Variants in C9orf43 observed in about 807,000 individuals in gnomAD.
The protein encoded by C9orf43 is uncharacterized protein C9orf43.
C9orf43 carries 45 observed loss-of-function variants against 59.1 expected under a neutral mutation model. That is an observed-to-expected ratio of 0.76 (90% CI 0.60 to 0.98). C9orf43 has a LOEUF of 0.98. Ranked by LOEUF, C9orf43 falls within the 50% of genes least tolerant of loss-of-function variation. The probability of loss-of-function intolerance (pLI) is 0.00; values close to 1 mark genes in which losing one functional copy is unlikely to be tolerated. For synonymous variants in C9orf43, 203 were observed against 196.8 expected (o/e 1.03, Z -0.26); for missense variants, 533 against 554.9 (o/e 0.96, Z 0.40).
intron 3 of C9orf43, among the ~76,000 whole-genome samples, chr9:113,415,728 T>C (rs533435573): frequency 1.3e-5 from 2 of 152,340 alleles, no homozygotes; most frequent in South Asian, 4.1e-4. Flanking sequence ...GAGTGCTTGC[T>C]GGTACATGAA....
intron 1 of C9orf43, chr9:113,411,203 AAAAC>A (rs1241608378): frequency 2.7e-5 from 18 of 666,922 alleles, no homozygotes; most frequent in African/African-American, 3.9e-5. Context: ...TTCGCTTTCA[AAAAC>A]AAACCGTGTT....
chr9:113,415,228 C>T (rs926630490), intron 3 of C9orf43, among the ~76,000 whole-genome samples: 2 of 151,928 alleles, frequency 1.3e-5, no homozygotes, highest in Non-Finnish European at 2.9e-5. Flanking sequence ...ACTGCAACCT[C>T]CACCTCCTGG....
At chr9:113,414,267 T>C (rs1398752999) in intron 3 of C9orf43, among the ~76,000 whole-genome samples, 1 of 151,974 alleles carries the variant, frequency 6.6e-6, no homozygotes. Flanking sequence ...ATACCCTGTG[T>C]CCTTTTTATT....
At position 113,424,213 on chromosome 9, in the gene C9orf43, T is replaced by C. The variant is rs551801116; in HGVS notation, c.704T>C (p.Ile235Thr). The C allele has an allele frequency of 6.2e-7, 1 of 1,613,896 alleles. No individual in the cohort carries two copies. Among genetic ancestry groups the C allele is most frequent in the South Asian group, 1.1e-5 (1 of 91,056 alleles). The change falls in exon 8 of 14, where the codon ATA becomes ACA. Residue 235 changes from isoleucine to threonine, a missense_variant. Transcript: ENST00000374165. The stretch of plus-strand genomic sequence containing the variant: ...ACCATGCTCTGTCCAGAGATGAAGA[T>C]AAAATTGGCCATGATGAAAAAGAAT... Reference protein sequence around the residue: ...KQTMLCPEMKIKLAMMKKNLP... With the variant: ...KQTMLCPEMKTKLAMMKKNLP...
Position 113,421,213 on chromosome 9 carries a change from A to G in C9orf43, c.446+10A>G, listed in dbSNP as rs373942958. On this transcript the variant is annotated intron_variant, in intron 5 of 13. Transcript: ENST00000374165. The stretch of plus-strand genomic sequence containing the variant: ...CAGAGATACATGTGAGGTGAGTATC[A>G]TATCTGGAACTCAGAGGACTTTGAC... 13 of 1,581,896 alleles carry G rather than the reference A, an allele frequency of 8.2e-6. No individual in the cohort carries two copies. The highest frequency in any genetic ancestry group is 1.7e-4 in the Middle Eastern group (1 of 6,018).
At chr9:113,427,150 A>G (rs1287965682) in intron 11 of C9orf43, among the ~76,000 whole-genome samples, 1 of 152,074 alleles carries the variant, frequency 6.6e-6, no homozygotes, top group Non-Finnish European at 1.5e-5. Flanking sequence ...ACTGTACACT[A>G]AGACCAATTG....
Position 113,422,675 on chromosome 9 carries a change from G to A in C9orf43, c.483+90G>A, listed in dbSNP as rs539607934. On this transcript the variant is annotated intron_variant, in intron 6 of 13. Coordinates refer to ENST00000374165, the MANE Select transcript of C9orf43 (RefSeq NM_001278629.2). ...TTCAGGTCTCCTCCACCTTACCCCCGTTCTTTCCTGAAATGATCCAAATCT... is the reference window on the plus strand; with the variant it reads ...TTCAGGTCTCCTCCACCTTACCCCCATTCTTTCCTGAAATGATCCAAATCT... 1.2e-5 allele frequency: 17 copies of A among 1,441,772 alleles called. No individual in the cohort carries two copies. In the Admixed American group the frequency reaches 1.2e-4, roughly 10 times the overall value. 89.3% of individuals were successfully genotyped at this position (1,441,772 alleles called of 1,614,324 possible). A position where few individuals can be genotyped will look rare whatever the true frequency, so the allele number is the denominator to read the frequency against.
At chr9:113,428,256 A>T (rs767586475) in intron 12 of C9orf43, 33 bp downstream of exon 12, 2 of 1,584,734 alleles carry the variant, frequency 1.3e-6, no homozygotes, top group South Asian at 1.1e-5. Flanking sequence ...GCTAGGACCC[A>T]GTTTCAGTTA....
intron 3 of C9orf43, among the ~76,000 whole-genome samples, chr9:113,418,213 G>C (rs980257107): frequency 2.0e-5 from 3 of 152,144 alleles, no homozygotes; most frequent in Non-Finnish European, 4.4e-5. Context: ...TCCATTAACA[G>C]CAACTCCCCA....
At chr9:113,416,798 T>C (rs1380970718) in intron 3 of C9orf43, among the ~76,000 whole-genome samples, 1 of 152,206 alleles carries the variant, frequency 6.6e-6, no homozygotes, top group Non-Finnish European at 1.5e-5. Flanking sequence ...CCTGTACCCA[T>C]TGAATACTAA....
rs1828741116 is a variant in C9orf43, at chr9:113,425,163, T to C, written c.865+87T>C. ...ACTTTAACGTGGTCCAATTCAGTTATATTTGTGGCCACAGTCATACAGGGT... is the reference window on the plus strand; with the variant it reads ...ACTTTAACGTGGTCCAATTCAGTTACATTTGTGGCCACAGTCATACAGGGT... On this transcript the variant is annotated intron_variant, in intron 9 of 13. Transcript: ENST00000374165. 2.7e-6 allele frequency: 4 copies of C among 1,486,610 alleles called. No homozygotes were observed. In the African/African-American group the frequency reaches 4.1e-5, roughly 15 times the overall value. 92.1% of individuals were successfully genotyped at this position (1,486,610 alleles called of 1,614,324 possible).
rs1588110560 is a variant in C9orf43 at position 113,423,175 on chromosome 9, A to G, written c.484-151A>G. 3 of 642,554 alleles carry G rather than the reference A, an allele frequency of 4.7e-6. No individual in the cohort carries two copies. The East Asian group carries it at 8.3e-5, about 18-fold the overall frequency. The allele number at this position is 642,554 out of a possible 1,614,324, so 39.8% of individuals were successfully genotyped here. ...ATACAACAACAGAGTTGGGAGCTTG[A>G]GAGGGAAACATGTGGCGGCCCTCAT... On this transcript the variant is annotated intron_variant, in intron 6 of 13. Coordinates refer to ENST00000374165, the MANE Select transcript of C9orf43 (RefSeq NM_001278629.2).
Position 113,413,529 on chromosome 9 carries a change from C to T in C9orf43, c.36C>T (p.Thr12=), listed in dbSNP as rs1251953463. Residue 12 remains threonine, a synonymous_variant, in exon 2 of 14, where the codon ACC becomes ACT. Coordinates refer to ENST00000374165, the MANE Select transcript of C9orf43 (RefSeq NM_001278629.2). The part of the protein sequence containing the change: ...DLPDESQWDE[T]TCGLAVCQHP... The stretch of plus-strand genomic sequence containing the variant: ...CAGATGAGAGCCAGTGGGACGAAAC[C>T]ACCTGTGGCTTGGCTGTTTGTCAGC... 2 of 1,614,000 alleles carry T rather than the reference C, an allele frequency of 1.2e-6. No individual in the cohort carries two copies. The highest frequency in any genetic ancestry group is 1.7e-6 in the Non-Finnish European group (2 of 1,179,880).
chr9:113,419,202 T>G (rs1217868347), intron 4 of C9orf43, 37 bp downstream of exon 4: 1 of 1,472,500 alleles, frequency 6.8e-7, no homozygotes, highest in Admixed American at 1.8e-5. Flanking sequence ...CTTCAACATT[T>G]TTTCTTTACT....
chr9:113,421,440 C>A (rs1213925492), intron 5 of C9orf43, among the ~76,000 whole-genome samples: 1 of 151,610 alleles, frequency 6.6e-6, no homozygotes, highest in East Asian at 1.9e-4. Flanking sequence ...CAGTAAATAG[C>A]ATACAAGATA....
rs1460096041 is a variant in C9orf43, at chr9:113,425,030, G to A, written c.819G>A (p.Leu273=). Residue 273 remains leucine, a synonymous_variant, in exon 9 of 14, where the codon CTG becomes CTA. Transcript: ENST00000374165. ...IHRLTLERPA[L]RYPERLKKLH... ...TTTTCTTTCTCCAGAGACCAGCACTGCGATATCCTGAACGTTTGAAGAAAT... is the reference window on the plus strand; with the variant it reads ...TTTTCTTTCTCCAGAGACCAGCACTACGATATCCTGAACGTTTGAAGAAAT... The A allele has an allele frequency of 1.9e-6, 3 of 1,612,040 alleles. No homozygotes were observed. Among genetic ancestry groups the A allele is most frequent in the Non-Finnish European group, 8.5e-7 (1 of 1,179,944 alleles).
At chr9:113,422,406 C>G (rs1240484574) in intron 5 of C9orf43, 143 bp from the exon 6 acceptor site, 27 of 1,217,270 alleles carry the variant, frequency 2.2e-5, no homozygotes, top group Non-Finnish European at 2.7e-5. Flanking sequence ...GAGTACTGAT[C>G]AAAGATAGGA....
chr9:113,420,462 A>G (rs1239327785), intron 4 of C9orf43, among the ~76,000 whole-genome samples: 2 of 152,246 alleles, frequency 1.3e-5, no homozygotes, highest in African/African-American at 4.8e-5. Context: ...TAAAGGATTT[A>G]TAATAAAAAG....
chr9:113,413,713 C>A (rs1588100353), intron 2 of C9orf43, 46 bp from the exon 3 acceptor site: 2 of 1,611,212 alleles, frequency 1.2e-6, no homozygotes, highest in African/African-American at 2.7e-5. Flanking sequence ...GGCTCCCTTT[C>A]TCCAGGCAGC....
Sources: allele counts gnomAD v4.1 joint callset (sites outside exome capture counted in the v4.1 genomes callset), GRCh38; gene constraint gnomAD v4.1.1; transcripts MANE v1.5; gene names NCBI Gene and HGNC (gene_info 2026-07-23, HGNC 2026-07-21).